Variants in ART3 observed in about 807,000 individuals in gnomAD.
ART3 encodes the protein ecto-ADP-ribosyltransferase 3.
ART3 carries 49 observed loss-of-function variants against 48.5 expected under a neutral mutation model. That is an observed-to-expected ratio of 1.01 (90% CI 0.80 to 1.28). The LOEUF is 1.28. ART3 is among the 50% of genes most tolerant of loss of function. The pLI, the probability that ART3 is intolerant of heterozygous loss-of-function variation, is 0.00. For missense variants in ART3, 438 were observed against 454.3 expected (o/e 0.96, Z 0.33); for synonymous variants, 145 against 157.2 (o/e 0.92, Z 0.58).
intron 10 of ART3, chr4:76,106,460 CT>C: frequency 4.7e-6 from 3 of 637,120 alleles, no homozygotes; most frequent in Non-Finnish European, 5.9e-6. Context: ...TAGAGGCCCA[CT>C]TTTTTACAGA....
chr4:76,074,313 G>A (rs1231527633), upstream of ART3, among the ~76,000 whole-genome samples: 1 of 152,148 alleles, frequency 6.6e-6, no homozygotes, highest in African/African-American at 2.4e-5. Flanking sequence ...TCCTGACGAG[G>A]TACCTGAAAT....
intron 1 of ART3, among the ~76,000 whole-genome samples, chr4:76,041,981 T>C (rs1189431803): frequency 6.6e-6 from 1 of 151,950 alleles, no homozygotes; most frequent in African/African-American, 2.4e-5. Flanking sequence ...GTGTTGGCCT[T>C]TTTTATTGTT....
chr4:76,021,069 T>A (rs1237442730), intron 1 of ART3: 1 of 152,200 alleles, frequency 6.6e-6, no homozygotes, highest in Non-Finnish European at 1.5e-5. Flanking sequence ...CAATCTAAGT[T>A]TCTTATGAAA....
intron 6 of ART3, among the ~76,000 whole-genome samples, 171 bp downstream of exon 6, chr4:76,100,491 C>T (rs753010771): frequency 6.6e-6 from 1 of 151,968 alleles, no homozygotes; most frequent in African/African-American, 2.4e-5. Flanking sequence ...ATTAGCTGGG[C>T]GTGGTGGCAC....
chr4:76,022,090 G>T, intron 1 of ART3: 1 of 858,308 alleles, frequency 1.2e-6, no homozygotes, highest in Admixed American at 2.1e-5. Context: ...TATAGGGGTT[G>T]CTTTTTTCAA....
intron 1 of ART3, among the ~76,000 whole-genome samples, chr4:76,050,654 C>G (rs986985090): frequency 6.6e-6 from 1 of 152,206 alleles, no homozygotes; most frequent in South Asian, 2.1e-4. Context: ...TGCTGTGTGC[C>G]CGCACTCCTC....
chr4:76,023,777 G>A (rs928351582), intron 1 of ART3, among the ~76,000 whole-genome samples: 7 of 151,934 alleles, frequency 4.6e-5, no homozygotes, highest in Non-Finnish European at 8.8e-5. Flanking sequence ...AAAAACAAAG[G>A]TTGCAATCCA....
intron 1 of ART3, among the ~76,000 whole-genome samples, chr4:76,051,462 T>C (rs1224771371): frequency 6.6e-6 from 1 of 152,232 alleles, no homozygotes; most frequent in Admixed American, 6.5e-5. Context: ...GAGTAAATTG[T>C]ATAAATAACA....
At chr4:76,041,915 T>G (rs1735010686) in intron 1 of ART3, among the ~76,000 whole-genome samples, 1 of 152,242 alleles carries the variant, frequency 6.6e-6, no homozygotes, top group African/African-American at 2.4e-5. Context: ...ATCTCATTGC[T>G]CTTTTTCTTT....
intron 1 of ART3, among the ~76,000 whole-genome samples, chr4:76,017,625 A>G (rs1032694159): frequency 1.3e-5 from 2 of 152,126 alleles, no homozygotes; most frequent in African/African-American, 2.4e-5. Flanking sequence ...GCACTCCCCA[A>G]GTCCACTGGC....
intron 1 of ART3, among the ~76,000 whole-genome samples, chr4:76,050,043 G>A (rs899925779): frequency 2.0e-5 from 3 of 148,260 alleles, no homozygotes; most frequent in Non-Finnish European, 4.5e-5. Context: ...CTCCCGGTGG[G>A]CTTATGGTCT....
intron 1 of ART3, among the ~76,000 whole-genome samples, chr4:76,039,002 C>T (rs542550117): frequency 4.6e-5 from 7 of 152,206 alleles, no homozygotes; most frequent in East Asian, 1.9e-4. Context: ...GGATTACAGG[C>T]GTGAGCCACT....
intron 1 of ART3, among the ~76,000 whole-genome samples, chr4:76,043,588 C>T (rs924109648): frequency 2.0e-5 from 3 of 152,136 alleles, no homozygotes; most frequent in African/African-American, 7.2e-5. Context: ...GAGTGCGGGG[C>T]CCACCAAGCC....
intron 1 of ART3, among the ~76,000 whole-genome samples, chr4:76,028,303 T>C (rs1276074146): frequency 6.6e-6 from 1 of 152,272 alleles, no homozygotes; most frequent in Non-Finnish European, 1.5e-5. Flanking sequence ...CTCTCAATTT[T>C]TGCAACGTTT....
chr4:76,078,514 A>G (rs1455023660), intron 2 of ART3, among the ~76,000 whole-genome samples: 1 of 152,146 alleles, frequency 6.6e-6, no homozygotes, highest in African/African-American at 2.4e-5. Flanking sequence ...TGAAGCTCAA[A>G]TTCCCATGTC....
intron 3 of ART3, among the ~76,000 whole-genome samples, chr4:76,092,503 C>T (rs1725121633): frequency 6.6e-6 from 1 of 152,092 alleles, no homozygotes; most frequent in African/African-American, 2.4e-5. Context: ...CTGCTGTGCT[C>T]CTCATTTCTG....
At chr4:76,104,083 T>G in intron 9 of ART3, 114 bp downstream of exon 9, 1 of 1,158,444 alleles carries the variant, frequency 8.6e-7, no homozygotes, top group Non-Finnish European at 1.3e-6. Context: ...CCCTTATAGC[T>G]ACCTGCCAGT....
chr4:76,064,751 A>C (rs1719550383), intron 1 of ART3, among the ~76,000 whole-genome samples: 1 of 152,194 alleles, frequency 6.6e-6, no homozygotes. Flanking sequence ...GAGAATATTG[A>C]AAGTGGATGC....
At chr4:76,101,745 C>G (rs1485541048) in intron 8 of ART3, among the ~76,000 whole-genome samples, 3 of 148,620 alleles carry the variant, frequency 2.0e-5, no homozygotes, top group Non-Finnish European at 4.5e-5. Context: ...GAGTGAGACT[C>G]CATCTTGGAA....
Sources: gnomAD v4.1 joint callset for allele counts (sites outside exome capture counted in the v4.1 genomes callset) on GRCh38, gnomAD v4.1.1 for gene constraint, MANE v1.5 for transcripts, NCBI Gene and HGNC (gene_info 2026-07-23, HGNC 2026-07-21) for gene names.